The following MYO18B variants were observed in gnomAD, a reference collection of about 807,000 sequenced individuals.
MYO18B encodes myosin XVIIIB, also known as unconventional myosin-XVIIIb.
In MYO18B, 204 loss-of-function variants were observed where a neutral mutation model predicts 273.0. The ratio of observed to expected loss-of-function variants is 0.75; its 90% CI spans 0.67 to 0.84. MYO18B has a LOEUF of 0.84. Among genes scored for constraint, MYO18B ranks in the 40% least tolerant of loss-of-function variants. The pLI is 0.00. For missense variants in MYO18B, 3,212 were observed against 3,287.6 expected (o/e 0.98, Z 0.56); for synonymous variants, 1,330 against 1,305.7 (o/e 1.02, Z -0.40).
At chr22:25,834,441 G>C (rs2089826239) in intron 16 of MYO18B, among the ~76,000 whole-genome samples, 1 of 152,192 alleles carries the variant, frequency 6.6e-6, no homozygotes, top group African/African-American at 2.4e-5. Flanking sequence ...CCATCCGGGA[G>C]ACCCTGGATG....
intron 7 of MYO18B, among the ~76,000 whole-genome samples, chr22:25,774,807 G>A (rs1025323111): frequency 1.2e-4 from 18 of 152,238 alleles, no homozygotes; most frequent in African/African-American, 4.1e-4. Flanking sequence ...GGCAGCTGGG[G>A]TCTGGGTGTG....
chr22:25,889,272 G>T (rs543947800), intron 25 of MYO18B, among the ~76,000 whole-genome samples: 1 of 152,240 alleles, frequency 6.6e-6, no homozygotes, highest in South Asian at 2.1e-4. Flanking sequence ...ACCGAGAGAG[G>T]CTAGCTCGGG....
chr22:25,799,324 T>C (rs1293948919), intron 12 of MYO18B, among the ~76,000 whole-genome samples: 1 of 152,170 alleles, frequency 6.6e-6, no homozygotes, highest in East Asian at 1.9e-4. Flanking sequence ...ATAAAATTCC[T>C]TGGCTTGGCA....
chr22:25,745,348 G>T (rs1305366612), intron 1 of MYO18B, among the ~76,000 whole-genome samples: 17 of 152,032 alleles, frequency 1.1e-4, no homozygotes, highest in Non-Finnish European at 1.5e-5. Flanking sequence ...GAGCTCAAGT[G>T]ATCCACCCAC....
At chr22:25,751,319 T>C (rs2085924919) in intron 1 of MYO18B, among the ~76,000 whole-genome samples, 1 of 152,240 alleles carries the variant, frequency 6.6e-6, no homozygotes, top group Non-Finnish European at 1.5e-5. Flanking sequence ...TTAACCTTTC[T>C]GATCCCAACT....
At chr22:25,934,247 G>A (rs1291058171) in intron 34 of MYO18B, among the ~76,000 whole-genome samples, 1 of 150,898 alleles carries the variant, frequency 6.6e-6, no homozygotes, top group Non-Finnish European at 1.5e-5. Context: ...CTCACTTTAG[G>A]GTTGACCATT....
chr22:25,819,236 T>TC (rs1244908620), intron 12 of MYO18B, among the ~76,000 whole-genome samples: 3 of 152,140 alleles, frequency 2.0e-5, no homozygotes, highest in Non-Finnish European at 4.4e-5. Context: ...CCTGCAAATA[T>TC]CCCCCCTAGG....
At position 25,843,297 on chromosome 22, in the gene MYO18B, T is replaced by A. The variant is rs1569098393; in HGVS notation, c.3209-438T>A. On this transcript the variant is annotated intron_variant, in intron 17 of 43. Coordinates refer to ENST00000335473, the MANE Select transcript of MYO18B (RefSeq NM_032608.7). ...TTACGCGGCATAAAACTAAATATTT[T>A]AAAAATATTTCATCATAATTTCCAT... Among the ~76,000 whole-genome samples, 7 of 152,332 alleles carry A rather than the reference T, an allele frequency of 4.6e-5. No homozygotes were observed. In the South Asian group the frequency reaches 1.2e-3, roughly 27 times the overall value.
intron 12 of MYO18B, among the ~76,000 whole-genome samples, chr22:25,799,412 G>T (rs1371067829): frequency 6.6e-6 from 1 of 152,146 alleles, no homozygotes; most frequent in Non-Finnish European, 1.5e-5. Context: ...AGAGAGTGGG[G>T]ATGAAGAGCA....
rs564246729 is a variant in MYO18B at position 25,817,967 on chromosome 22, T to C, written c.2522-5538T>C. ...CCAGGAGGGCAGTGAGGAAGGGAAA[T>C]GGGGTAGGAAGGCAGGAACTGTGGG... On this transcript the variant is annotated intron_variant, in intron 12 of 43. Transcript: ENST00000335473. Among the ~76,000 whole-genome samples, 6 of 152,204 alleles carry C rather than the reference T, an allele frequency of 3.9e-5. No individual in the cohort carries two copies. The South Asian group carries it at 1.2e-3, about 32-fold the overall frequency.
At chr22:25,778,967 C>T (rs919805759) in intron 8 of MYO18B, among the ~76,000 whole-genome samples, 7 of 152,126 alleles carry the variant, frequency 4.6e-5, no homozygotes, top group African/African-American at 1.4e-4. Context: ...GAACTCTAAC[C>T]ATTGTGGCAG....
At chr22:26,050,515 T>C in the MYO18B span, among the ~76,000 whole-genome samples, 19,813 of 152,100 alleles carry the variant, frequency 0.13, 2,506 homozygotes, top group African/African-American at 0.33. Flanking sequence ...TTTGAACAGA[T>C]GAGGATCTGG....
At chr22:25,901,139 C>G (rs1324461208) in intron 29 of MYO18B, 2 of 152,230 alleles carry the variant, frequency 1.3e-5, no homozygotes, top group Non-Finnish European at 2.9e-5. Context: ...AGCTCCTGAG[C>G]TGTTCCAACA....
chr22:26,022,695 C>T (rs762528161), intron 42 of MYO18B, among the ~76,000 whole-genome samples: 1 of 152,226 alleles, frequency 6.6e-6, no homozygotes, highest in Non-Finnish European at 1.5e-5. Context: ...GCTGAGGTTT[C>T]AAAGGCACCA....
intron 39 of MYO18B, among the ~76,000 whole-genome samples, chr22:25,977,850 T>G (rs1458641946): frequency 6.6e-6 from 1 of 152,218 alleles, no homozygotes; most frequent in Non-Finnish European, 1.5e-5. Context: ...ATGCTGTTAT[T>G]ATTTCCACTT....
intron 22 of MYO18B, among the ~76,000 whole-genome samples, chr22:25,871,433 C>T (rs1458782524): frequency 6.6e-6 from 1 of 152,194 alleles, no homozygotes; most frequent in Admixed American, 6.5e-5. Flanking sequence ...CTCCTCTAAT[C>T]TGTAAAGTGA....
chr22:25,979,406 T>C (rs1011591447), intron 39 of MYO18B, among the ~76,000 whole-genome samples: 1 of 152,168 alleles, frequency 6.6e-6, no homozygotes, highest in Non-Finnish European at 1.5e-5. Flanking sequence ...GTCATATTTG[T>C]GTTTGAGCAG....
intron 1 of MYO18B, among the ~76,000 whole-genome samples, chr22:25,744,532 C>A (rs1358260413): frequency 2.0e-5 from 3 of 152,058 alleles, no homozygotes; most frequent in Non-Finnish European, 2.9e-5. Flanking sequence ...GAGATCGAGA[C>A]CATCCTGGCT....
the MYO18B span, among the ~76,000 whole-genome samples, chr22:26,043,765 C>T: frequency 2.6e-5 from 4 of 152,118 alleles, no homozygotes; most frequent in South Asian, 4.2e-4. Flanking sequence ...CCACCTGCCT[C>T]GTTGGCCTCC....
Sources: gnomAD v4.1 joint callset for allele counts (sites outside exome capture counted in the v4.1 genomes callset) on GRCh38, gnomAD v4.1.1 for gene constraint, MANE v1.5 for transcripts, NCBI Gene and HGNC (gene_info 2026-07-23, HGNC 2026-07-21) for gene names.